Variants in IGSF10 observed in about 807,000 individuals in gnomAD.
The protein encoded by IGSF10 is immunoglobulin superfamily member 10.
In IGSF10, 126 loss-of-function variants were observed where a neutral mutation model predicts 128.2. The ratio of observed to expected loss-of-function variants is 0.98; its 90% CI spans 0.85 to 1.14. The LOEUF (loss-of-function observed/expected upper bound fraction) is 1.14, where lower values mean the gene tolerates loss of function less well. IGSF10 is among the 50% of genes most tolerant of loss of function. The pLI is 0.00. For missense variants in IGSF10, 3,295 were observed against 3,149.8 expected (o/e 1.05, Z -1.10); for synonymous variants, 1,185 against 1,146.2 (o/e 1.03, Z -0.68).
intron 5 of IGSF10, among the ~76,000 whole-genome samples, chr3:151,450,021 G>A (rs1191604331): frequency 6.6e-6 from 1 of 152,216 alleles, no homozygotes; most frequent in Non-Finnish European, 1.5e-5. Context: ...GTTTAAGGGG[G>A]AGGGAAGAAC....
At chr3:151,481,634 C>T in the IGSF10 span, among the ~76,000 whole-genome samples, 1 of 152,112 alleles carries the variant, frequency 6.6e-6, no homozygotes, top group Admixed American at 6.6e-5. Flanking sequence ...AGTGAACATG[C>T]ACCTTAAATC....
intron 2 of IGSF10, among the ~76,000 whole-genome samples, chr3:151,459,729 ATTCTC>A (rs1466377759): frequency 6.6e-6 from 1 of 152,210 alleles, no homozygotes; most frequent in African/African-American, 2.4e-5. Flanking sequence ...TTCAAACCTA[ATTCTC>A]TCCTGAAATG....
At chr3:151,532,547 C>T in the IGSF10 span, among the ~76,000 whole-genome samples, 1 of 152,036 alleles carries the variant, frequency 6.6e-6, no homozygotes, top group African/African-American at 2.4e-5. Context: ...AAACATAATC[C>T]ATCGCATAAG....
intron 5 of IGSF10, among the ~76,000 whole-genome samples, chr3:151,451,204 CT>C (rs1318553761): frequency 6.6e-6 from 1 of 151,130 alleles, no homozygotes; most frequent in Non-Finnish European, 1.5e-5. Flanking sequence ...GCCCCATTGG[CT>C]CTGGCATACG....
the IGSF10 span, among the ~76,000 whole-genome samples, chr3:151,517,458 A>G: frequency 6.6e-6 from 1 of 151,964 alleles, no homozygotes; most frequent in Non-Finnish European, 1.5e-5. Flanking sequence ...TCCCTGGTGC[A>G]CTGTATTCTC....
Position 151,443,586 on chromosome 3 carries a change from G to C in IGSF10, c.5361C>G (p.Val1787=). Residue 1787 remains valine (V), a synonymous_variant, in exon 7 of 8, where the codon GTC becomes GTG. Transcript: ENST00000282466. Reference sequence around the variant, plus strand: ...GCCTACTTCCCTGGGATGATTCTGAGACAACTGTTTGGTTTGCAAGAATCC... The same window carrying C: ...GCCTACTTCCCTGGGATGATTCTGACACAACTGTTTGGTTTGCAAGAATCC... ...VTWILANQTV[V]SESSQGSRQA... 2 of 1,614,202 alleles carry C rather than the reference G, an allele frequency of 1.2e-6. No homozygotes were observed. Among genetic ancestry groups the C allele is most frequent in the South Asian group, 2.2e-5 (2 of 91,082 alleles).
At chr3:151,432,633 C>T (rs1719663588), downstream of IGSF10, 3 of 730,744 alleles carry the variant, frequency 4.1e-6, no homozygotes, top group Admixed American at 2.2e-5. Context: ...ATAGTACTCT[C>T]CGGCCATTCT....
At chr3:151,535,099 G>T in the IGSF10 span, among the ~76,000 whole-genome samples, 1 of 151,866 alleles carries the variant, frequency 6.6e-6, no homozygotes, top group Non-Finnish European at 1.5e-5. Context: ...GTTTTTGAGA[G>T]AACTAAATGA....
chr3:151,454,019 C>CT (rs142736294), intron 4 of IGSF10, among the ~76,000 whole-genome samples: 92 of 126,646 alleles, frequency 7.3e-4, no homozygotes, highest in African/African-American at 1.5e-3. Flanking sequence ...TTTTCTTTTT[C>CT]TTTTTTTTTT....
At position 151,437,884 on chromosome 3, in the gene IGSF10, T is replaced by C. The variant is rs771550018; in HGVS notation, c.6677A>G (p.Tyr2226Cys). The change falls in exon 8 of 8, where the codon TAC (tyrosine) becomes TGC (cysteine). Residue 2226 changes from tyrosine to cysteine, a missense_variant. Physicochemically the swap from Tyr to Cys is radical, Grantham distance 194 (BLOSUM62 -2). Coordinates refer to ENST00000282466, the MANE Select transcript of IGSF10 (RefSeq NM_178822.5). ...AGGTTTAGAGACCACATCCAGTTTG[T>C]ACATTTTGGTGTCATCCCCACTGGG... Reference protein sequence around the residue: ...RNPSGDDTKMYKLDVVSKPPL... With the variant: ...RNPSGDDTKMCKLDVVSKPPL... 8.7e-6 allele frequency: 14 copies of C among 1,614,052 alleles called. No homozygotes were observed. The highest frequency in any genetic ancestry group is 2.7e-5 in the African/African-American group (2 of 74,942).
At chr3:151,524,828 T>C in the IGSF10 span, among the ~76,000 whole-genome samples, 7 of 152,224 alleles carry the variant, frequency 4.6e-5, no homozygotes, top group East Asian at 1.3e-3. Flanking sequence ...CATGTAATAA[T>C]GGAAAGCTAC....
chr3:151,460,458 C>T (rs1721997837), intron 1 of IGSF10, 111 bp from the exon 2 acceptor site: 1 of 166,752 alleles, frequency 6.0e-6, no homozygotes, highest in Non-Finnish European at 1.2e-5. Context: ...TCCACAGCTT[C>T]AAAGTTCTAT....
At position 151,444,930 on chromosome 3, in the gene IGSF10, C is replaced by G. The variant is rs149854696; in HGVS notation, c.5051G>C (p.Arg1684Thr). The G allele has an allele frequency of 1.2e-4, 188 of 1,602,524 alleles. No individual in the cohort carries two copies. The highest frequency in any genetic ancestry group is 1.0e-3 in the Middle Eastern group (6 of 5,968). The change falls in exon 6 of 8, where the codon AGA becomes ACA. Residue 1684 changes from arginine (R) to threonine (T), a missense_variant. Transcript: ENST00000282466. ...AAAGTTTCACATACCTGATGGGACT[C>G]TGGTCCAATGAATGGTGGGCAGGGG... ...GNPLPTIHWT[R>T]VPSGLDLSKR... is the part of the protein sequence containing the mutation.
the IGSF10 span, among the ~76,000 whole-genome samples, chr3:151,617,797 G>A: frequency 2.6e-5 from 4 of 151,964 alleles, no homozygotes; most frequent in South Asian, 4.2e-4. Context: ...AAAAGTGATT[G>A]GGTCATGAGG....
chr3:151,539,298 C>G, the IGSF10 span, among the ~76,000 whole-genome samples: 1 of 152,144 alleles, frequency 6.6e-6, no homozygotes, highest in African/African-American at 2.4e-5. Flanking sequence ...CAGACGTGAA[C>G]TTTCGCATAG....
the IGSF10 span, among the ~76,000 whole-genome samples, chr3:151,487,064 TCAA>T: frequency 6.6e-6 from 1 of 151,472 alleles, no homozygotes. Flanking sequence ...TTTTTAAAGA[TCAA>T]CAAAATAGCC....
the IGSF10 span, among the ~76,000 whole-genome samples, chr3:151,471,655 A>C: frequency 6.6e-6 from 1 of 152,200 alleles, no homozygotes; most frequent in African/African-American, 2.4e-5. Context: ...AGGGTTTTTC[A>C]CATCTAGTGG....
At chr3:151,451,221 C>T (rs897908756) in intron 5 of IGSF10, among the ~76,000 whole-genome samples, 1 of 150,874 alleles carries the variant, frequency 6.6e-6, no homozygotes, top group Admixed American at 6.6e-5. Flanking sequence ...ATACGCTGTT[C>T]CTTCTATGTC....
chr3:151,499,320 T>G, the IGSF10 span, among the ~76,000 whole-genome samples: 1 of 152,198 alleles, frequency 6.6e-6, no homozygotes. Context: ...TGAGAATACT[T>G]AATTTAGTGA....
Sources: gnomAD v4.1 joint callset for allele counts (sites outside exome capture counted in the v4.1 genomes callset) on GRCh38, gnomAD v4.1.1 for gene constraint, MANE v1.5 for transcripts, NCBI Gene and HGNC (gene_info 2026-07-23, HGNC 2026-07-21) for gene names.